The following MAB21L3 variants were observed in gnomAD, a reference collection of about 807,000 sequenced individuals.
The protein encoded by MAB21L3 is mab-21 like 3.
In MAB21L3, 36 loss-of-function variants were observed where a neutral mutation model predicts 37.7. That is an observed-to-expected ratio of 0.96 (90% CI 0.73 to 1.26). The LOEUF (loss-of-function observed/expected upper bound fraction) is 1.26, where lower values mean the gene tolerates loss of function less well. Ranked by LOEUF, MAB21L3 falls within the 50% of genes most tolerant of loss-of-function variation. MAB21L3 has a pLI of 0.00. For missense variants in MAB21L3, 430 were observed against 447.3 expected, an observed-to-expected ratio of 0.96 and a Z score of 0.35; for synonymous variants, 186 against 176.8, an observed-to-expected ratio of 1.05 and a Z score of -0.41.
chr1:116,136,731 A>G lies in MAB21L3; in HGVS notation c.*3366A>G, dbSNP rs1184075361. Among the ~76,000 whole-genome samples the G allele has an allele frequency of 2.6e-5, 4 of 152,258 alleles. No homozygotes were observed. The highest frequency in any genetic ancestry group is 9.6e-5 in the African/African-American group (4 of 41,560). ...ACTACCTGACTTCAAACTATACTAC[A>G]AGGCTACAGTAACCAAAACAGCATG... On this transcript the variant is annotated 3_prime_UTR_variant, in exon 8 of 8. Transcript: ENST00000369500.
In MAB21L3 at chr1:116,133,491, C is replaced by A; in HGVS notation, c.*126C>A. On this transcript the variant is annotated 3_prime_UTR_variant, in exon 8 of 8. Transcript: ENST00000369500. Reference sequence around the variant, plus strand: ...AGGCCACGAATGGCAGCGGAAATTACATCAAACCAGAAACACTTCAGCAGG... The same window carrying A: ...AGGCCACGAATGGCAGCGGAAATTAAATCAAACCAGAAACACTTCAGCAGG... The A allele has an allele frequency of 1.2e-6, 1 of 819,354 alleles. No homozygotes were observed. Among genetic ancestry groups the A allele is most frequent in the Non-Finnish European group, 1.9e-6 (1 of 518,060 alleles). The allele number at this position is 819,354 out of a possible 1,614,324, so 50.8% of individuals were successfully genotyped here. A position where few individuals can be genotyped will look rare whatever the true frequency, so the allele number is the denominator to read the frequency against.
chr1:116,118,024 T>C (rs74996594), intron 3 of MAB21L3, among the ~76,000 whole-genome samples: 1,660 of 152,000 alleles, frequency 0.011, 81 homozygotes, highest in Admixed American at 0.081. Flanking sequence ...TGTTTACACC[T>C]GTGTGTCATT....
Position 116,124,230 on chromosome 1 carries a change from G to A in MAB21L3, c.354G>A (p.Gln118=), listed in dbSNP as rs140174817. ...EGLQQWLEVE[Q]FMKSLWQWHE... Reference sequence around the variant, plus strand: ...TGCAGCAGTGGCTGGAGGTGGAACAGTTTATGAAGAGCCTGTGGCAGTGGC... The same window carrying A: ...TGCAGCAGTGGCTGGAGGTGGAACAATTTATGAAGAGCCTGTGGCAGTGGC... The change falls in exon 5 of 8, where the codon CAG becomes CAA. Residue 118 remains glutamine, a synonymous_variant. Transcript: ENST00000369500. 3,076 of 1,614,234 alleles carry A rather than the reference G, an allele frequency of 1.9e-3. 76 individuals carry two copies. The South Asian group carries it at 0.031, about 16-fold the overall frequency.
intron 4 of MAB21L3, among the ~76,000 whole-genome samples, chr1:116,122,285 A>G (rs1318967351): frequency 6.6e-6 from 1 of 152,202 alleles, no homozygotes; most frequent in African/African-American, 2.4e-5. Flanking sequence ...GAATCCTGGA[A>G]TGCTAGAATA....
intron 4 of MAB21L3, 61 bp downstream of exon 4, chr1:116,121,133 A>G: frequency 6.6e-7 from 1 of 1,524,486 alleles, no homozygotes; most frequent in Non-Finnish European, 9.0e-7. Flanking sequence ...GGGCAGGTGA[A>G]TCTCAGTGTG....
Position 116,133,117 on chromosome 1 carries a change from T to C in MAB21L3, c.856-15T>C, listed in dbSNP as rs1270339675. ...TGCCCGAAACAATGTCTGACAGCAC[T>C]TCTCCCTTCCACAGACTGTGCTCTT... On this transcript the variant is annotated splice_polypyrimidine_tract_variant and intron_variant, in intron 7 of 7. Transcript: ENST00000369500. 1.2e-6 allele frequency: 2 copies of C among 1,602,228 alleles called. No individual in the cohort carries two copies. Among genetic ancestry groups the C allele is most frequent in the East Asian group, 2.2e-5 (1 of 44,802 alleles).
At position 116,124,046 on chromosome 1, in the gene MAB21L3, C is replaced by T; in HGVS notation, c.190-20C>T. On this transcript the variant is annotated intron_variant, in intron 4 of 7. Transcript: ENST00000369500. ...GAATCTGTGAATTCATGCTTGTTTTCAATCCTTTCCTGACCCTAGGTTTTG... is the reference window on the plus strand; with the variant it reads ...GAATCTGTGAATTCATGCTTGTTTTTAATCCTTTCCTGACCCTAGGTTTTG... 1 of 1,571,566 alleles carries T rather than the reference C, an allele frequency of 6.4e-7. No individual in the cohort carries two copies. Among genetic ancestry groups the T allele is most frequent in the Non-Finnish European group, 8.6e-7 (1 of 1,158,202 alleles).
At chr1:116,128,845 C>T (rs1327776171) in intron 7 of MAB21L3, among the ~76,000 whole-genome samples, 2 of 152,218 alleles carry the variant, frequency 1.3e-5, no homozygotes, top group African/African-American at 4.8e-5. Context: ...GGTTACCACA[C>T]ACGTAGTGCC....
At chr1:116,123,992 G>A (rs1353487517) in intron 4 of MAB21L3, 74 bp from the exon 5 acceptor site, 4 of 1,484,122 alleles carry the variant, frequency 2.7e-6, no homozygotes, top group Non-Finnish European at 3.6e-6. Context: ...GACGAGACAG[G>A]TTGGTTCCCA....
At chr1:116,131,394 A>G (rs932442839) in intron 7 of MAB21L3, among the ~76,000 whole-genome samples, 1 of 152,262 alleles carries the variant, frequency 6.6e-6, no homozygotes, top group Admixed American at 6.5e-5. Flanking sequence ...GCAAGGGAGG[A>G]CACAGGTCAA....
chr1:116,119,269 A>G (rs1199268739), intron 3 of MAB21L3, among the ~76,000 whole-genome samples: 1 of 152,234 alleles, frequency 6.6e-6, no homozygotes, highest in Non-Finnish European at 1.5e-5. Flanking sequence ...AGTGCCCACC[A>G]CAGAGGACAT....
chr1:116,118,022 C>A (rs1475116618), intron 3 of MAB21L3, among the ~76,000 whole-genome samples: 2 of 151,982 alleles, frequency 1.3e-5, no homozygotes, highest in East Asian at 1.9e-4. Flanking sequence ...CATGTTTACA[C>A]CTGTGTGTCA....
chr1:116,112,562 G>GAAA lies in MAB21L3; in HGVS notation c.-43_-41dup. On this transcript the variant is annotated 5_prime_UTR_variant, in exon 3 of 8. Coordinates refer to ENST00000369500, the MANE Select transcript of MAB21L3 (RefSeq NM_152367.3). Reference sequence around the variant, plus strand: ...ACTCACAAGTGTTGCACTCCATTGAGAAAAAAAAAAAAACCAGGAAGTTGC... The same window carrying GAAA: ...ACTCACAAGTGTTGCACTCCATTGAGAAAAAAAAAAAAAAAACCAGGAAGTTGC... 7.7e-5 allele frequency: 100 copies of GAAA among 1,294,946 alleles called. No homozygotes were observed. The highest frequency in any genetic ancestry group is 2.0e-4 in the Middle Eastern group (1 of 4,904). The allele number at this position is 1,294,946 out of a possible 1,614,324, so 80.2% of individuals were successfully genotyped here. A position where few individuals can be genotyped will look rare whatever the true frequency, so the allele number is the denominator to read the frequency against.
At chr1:116,131,837 G>A (rs755294491) in intron 7 of MAB21L3, among the ~76,000 whole-genome samples, 14 of 152,184 alleles carry the variant, frequency 9.2e-5, no homozygotes, top group Admixed American at 1.3e-4. Flanking sequence ...TGATGAGATC[G>A]CTACTGCAGA....
At chr1:116,115,366 G>A (rs866469097) in intron 3 of MAB21L3, among the ~76,000 whole-genome samples, 2 of 152,172 alleles carry the variant, frequency 1.3e-5, no homozygotes, top group Non-Finnish European at 2.9e-5. Context: ...CTATGGTCTC[G>A]TGCGTATCTA....
At chr1:116,125,340 C>A (rs1422373720) in intron 5 of MAB21L3, among the ~76,000 whole-genome samples, 2 of 152,146 alleles carry the variant, frequency 1.3e-5, no homozygotes, top group Non-Finnish European at 2.9e-5. Context: ...TATATTTCTA[C>A]AAATACACAA....
At chr1:116,126,826 G>C (rs898004919) in intron 5 of MAB21L3, among the ~76,000 whole-genome samples, 2 of 152,102 alleles carry the variant, frequency 1.3e-5, no homozygotes, top group Non-Finnish European at 2.9e-5. Context: ...ACTTTACAAG[G>C]GTGCGAAAGT....
intron 5 of MAB21L3, among the ~76,000 whole-genome samples, chr1:116,126,986 A>AGGTAG (rs1324420751): frequency 3.9e-5 from 6 of 152,174 alleles, no homozygotes; most frequent in Non-Finnish European, 8.8e-5. Flanking sequence ...AGCACTTTTA[A>AGGTAG]GGTAGGGTAG....
chr1:116,112,831 C>T (rs1347450461), intron 3 of MAB21L3, among the ~76,000 whole-genome samples, 168 bp downstream of exon 3: 1 of 152,084 alleles, frequency 6.6e-6, no homozygotes, highest in Non-Finnish European at 1.5e-5. Flanking sequence ...ATATATCAGC[C>T]TTACTTCTCT....
Sources: allele counts gnomAD v4.1 joint callset (sites outside exome capture counted in the v4.1 genomes callset), GRCh38; gene constraint gnomAD v4.1.1; transcripts MANE v1.5; gene names NCBI Gene and HGNC (gene_info 2026-07-23, HGNC 2026-07-21).